Variants in SLC24A2 observed in about 807,000 individuals in gnomAD.
SLC24A2 encodes the protein sodium/potassium/calcium exchanger 2.
In SLC24A2, 36 loss-of-function variants were observed where a neutral mutation model predicts 62.0. The observed-to-expected ratio is 0.58, with a 90% CI of 0.44 to 0.77. SLC24A2 has a LOEUF of 0.77. Ranked by LOEUF, SLC24A2 falls within the 30% of genes least tolerant of loss-of-function variation. SLC24A2 has a pLI of 0.00. For missense variants in SLC24A2, 846 were observed against 817.9 expected, an observed-to-expected ratio of 1.03 and a Z score of -0.42; for synonymous variants, 358 against 294.0, an observed-to-expected ratio of 1.22 and a Z score of -2.23.
In SLC24A2 at chr9:19,532,124, C is replaced by A. The variant is rs1459131329; in HGVS notation, c.1480-3986G>T. Among the ~76,000 whole-genome samples the A allele has an allele frequency of 1.3e-5, 2 of 152,048 alleles. 1 individual carries two copies. The highest frequency in any genetic ancestry group is 4.8e-5 in the African/African-American group (2 of 41,386). ...TTTGACAGAGTTTCCCTGTTGTTGC[C>A]CAGGCTGGAGTGCAATGGTGCAATC... On this transcript the variant is annotated intron_variant, in intron 8 of 10. Coordinates refer to ENST00000341998, the MANE Select transcript of SLC24A2 (RefSeq NM_020344.4).
At chr9:20,156,122 C>G in the SLC24A2 span, among the ~76,000 whole-genome samples, 5 of 151,848 alleles carry the variant, frequency 3.3e-5, no homozygotes, top group East Asian at 7.8e-4. Flanking sequence ...TCCCTCACCA[C>G]TACTCCTGAG....
At chr9:19,557,404 C>T (rs766640466) in intron 7 of SLC24A2, among the ~76,000 whole-genome samples, 4 of 152,086 alleles carry the variant, frequency 2.6e-5, no homozygotes, top group African/African-American at 4.8e-5. Context: ...AAGAATGAGC[C>T]GAAGGCGGTG....
the SLC24A2 span, among the ~76,000 whole-genome samples, chr9:20,221,009 G>A: frequency 6.6e-6 from 1 of 152,082 alleles, no homozygotes; most frequent in Non-Finnish European, 1.5e-5. Context: ...TTAACCTACA[G>A]AGTTTACAAA....
the SLC24A2 span, among the ~76,000 whole-genome samples, chr9:19,847,939 G>A: frequency 6.6e-6 from 1 of 152,196 alleles, no homozygotes; most frequent in Non-Finnish European, 1.5e-5. Context: ...AGCCTCGGAT[G>A]GCGGCAGAGG....
the SLC24A2 span, among the ~76,000 whole-genome samples, chr9:20,170,560 A>T: frequency 6.6e-6 from 1 of 152,014 alleles, no homozygotes; most frequent in Non-Finnish European, 1.5e-5. Context: ...AAATGGGTGC[A>T]GGTAACCAAG....
the SLC24A2 span, among the ~76,000 whole-genome samples, chr9:19,993,867 T>C: frequency 1.6e-4 from 24 of 152,186 alleles, no homozygotes; most frequent in Admixed American, 1.5e-3. Context: ...CAATCATTAA[T>C]GCCCATGGTG....
At chr9:19,942,162 G>C in the SLC24A2 span, among the ~76,000 whole-genome samples, 1 of 152,156 alleles carries the variant, frequency 6.6e-6, no homozygotes, top group Admixed American at 6.6e-5. Context: ...AACTCAGTAA[G>C]AGTAAATATC....
intron 5 of SLC24A2, among the ~76,000 whole-genome samples, chr9:19,586,528 GGTTAA>G (rs74880764): frequency 0.25 from 37,961 of 151,362 alleles, 5,651 homozygotes; most frequent in African/African-American, 0.42. Context: ...TTAATGCTGT[GGTTAA>G]GTTAAGTTTC....
the SLC24A2 span, among the ~76,000 whole-genome samples, chr9:19,860,947 T>C: frequency 6.6e-6 from 1 of 152,148 alleles, no homozygotes; most frequent in African/African-American, 2.4e-5. Flanking sequence ...CCAGGTGGAC[T>C]TCTAAGGTTT....
At chr9:19,600,846 G>A (rs749114829) in intron 4 of SLC24A2, among the ~76,000 whole-genome samples, 1 of 152,110 alleles carries the variant, frequency 6.6e-6, no homozygotes, top group Non-Finnish European at 1.5e-5. Flanking sequence ...TGGGGAGGGG[G>A]AGAGCGTAGG....
intron 2 of SLC24A2, among the ~76,000 whole-genome samples, chr9:19,770,604 C>T (rs1379156721): frequency 6.6e-6 from 1 of 152,216 alleles, no homozygotes; most frequent in Admixed American, 6.5e-5. Context: ...GAAAGGTCAT[C>T]TGCTCCCACT....
At chr9:19,758,384 C>T (rs1327135624) in intron 2 of SLC24A2, among the ~76,000 whole-genome samples, 4 of 152,152 alleles carry the variant, frequency 2.6e-5, no homozygotes, top group African/African-American at 9.7e-5. Context: ...TGTTTGTCCA[C>T]ATGAATAGGA....
chr9:20,178,819 T>A, the SLC24A2 span, among the ~76,000 whole-genome samples: 424 of 152,254 alleles, frequency 2.8e-3, 2 homozygotes, highest in African/African-American at 9.8e-3. Context: ...TCCAACATAT[T>A]GATACATTTA....
the SLC24A2 span, among the ~76,000 whole-genome samples, chr9:20,274,035 C>T: frequency 6.6e-6 from 1 of 152,206 alleles, no homozygotes; most frequent in South Asian, 2.1e-4. Flanking sequence ...CCAATACCTA[C>T]TGATGTATGT....
the SLC24A2 span, among the ~76,000 whole-genome samples, chr9:19,794,883 A>T: frequency 2.0e-5 from 3 of 152,118 alleles, no homozygotes; most frequent in African/African-American, 7.2e-5. Flanking sequence ...TCAAAAAAAA[A>T]AAAATAAAAA....
chr9:20,229,005 G>A, the SLC24A2 span, among the ~76,000 whole-genome samples: 3 of 152,142 alleles, frequency 2.0e-5, no homozygotes, highest in Non-Finnish European at 4.4e-5. Context: ...TAGTGATGCT[G>A]CAGAGGCTGG....
chr9:20,088,849 G>A, the SLC24A2 span, among the ~76,000 whole-genome samples: 6 of 152,218 alleles, frequency 3.9e-5, no homozygotes, highest in African/African-American at 1.4e-4. Flanking sequence ...AGCTCCCAGA[G>A]GGAGAGGCAG....
the SLC24A2 span, among the ~76,000 whole-genome samples, chr9:20,015,198 G>A: frequency 0.23 from 34,338 of 152,036 alleles, 5,033 homozygotes; most frequent in East Asian, 0.58. Flanking sequence ...TACATATCTG[G>A]TGCTGGGCCT....
chr9:20,101,425 C>T, the SLC24A2 span, among the ~76,000 whole-genome samples: 1 of 152,238 alleles, frequency 6.6e-6, no homozygotes, highest in Non-Finnish European at 1.5e-5. Context: ...TTAGTGGAAA[C>T]TGTTTGCCTT....
Sources: gnomAD v4.1 joint callset for allele counts (sites outside exome capture counted in the v4.1 genomes callset) on GRCh38, gnomAD v4.1.1 for gene constraint, MANE v1.5 for transcripts, NCBI Gene and HGNC (gene_info 2026-07-23, HGNC 2026-07-21) for gene names.